The following ZFHX3 variants were observed in gnomAD, a reference collection of about 807,000 sequenced individuals.
ZFHX3 encodes zinc finger homeobox protein 3.
Under a neutral mutation model 279.1 loss-of-function variants are expected in ZFHX3, and 42 were observed. That is an observed-to-expected ratio of 0.15 (90% confidence interval 0.12 to 0.19). The LOEUF (loss-of-function observed/expected upper bound fraction) is 0.19. ZFHX3 is among the 10% of genes least tolerant of loss of function. ZFHX3 has a pLI of 1.00. For missense variants in ZFHX3, 4,981 were observed against 4,754.0 expected (o/e 1.05, Z -1.40); for synonymous variants, 2,293 against 1,957.8 (o/e 1.17, Z -4.52).
At chr16:73,689,236 T>A (rs991900066) in intron 1 of ZFHX3, among the ~76,000 whole-genome samples, 7 of 152,242 alleles carry the variant, frequency 4.6e-5, no homozygotes, top group African/African-American at 1.7e-4. Context: ...TAAAGTTCTA[T>A]GTCACTATCA....
intron 8 of ZFHX3, among the ~76,000 whole-genome samples, chr16:73,076,712 G>T (rs1173655744): frequency 2.0e-5 from 3 of 147,788 alleles, no homozygotes; most frequent in Non-Finnish European, 4.4e-5. Flanking sequence ...TGCTTTCAGA[G>T]TTATTGTTTC....
chr16:73,135,860 T>C (rs1385532644), intron 6 of ZFHX3, among the ~76,000 whole-genome samples: 1 of 141,754 alleles, frequency 7.1e-6, no homozygotes, highest in East Asian at 2.0e-4. Context: ...TTATTTATAT[T>C]CTTTTTTTTT....
At chr16:73,047,150 T>C (rs145714385) in intron 1 of ZFHX3, among the ~76,000 whole-genome samples, 233 of 152,362 alleles carry the variant, frequency 1.5e-3, no homozygotes, top group Non-Finnish European at 2.7e-3. Context: ...TTTCTGCTAC[T>C]GACCTAAACA....
chr16:73,382,544 T>C (rs114096590), intron 3 of ZFHX3, among the ~76,000 whole-genome samples: 248 of 152,162 alleles, frequency 1.6e-3, no homozygotes, highest in African/African-American at 5.4e-3. Flanking sequence ...CAGGCTGCTG[T>C]GTGGGGAATG....
chr16:73,660,858 A>G (rs1193568870), intron 2 of ZFHX3, among the ~76,000 whole-genome samples: 1 of 152,236 alleles, frequency 6.6e-6, no homozygotes, highest in Non-Finnish European at 1.5e-5. Flanking sequence ...AGTTAACTTC[A>G]TGCAAACCTT....
At position 73,516,161 on chromosome 16, in the gene ZFHX3, C is replaced by A. The variant is rs572574677; in HGVS notation, c.-1546-59903G>T. ...ATTTTGAAAAGCTACACAAGTCACA[C>A]GAATTGCTAACGCTAAGTATAATCA... On this transcript the variant is annotated intron_variant, in intron 2 of 17. Transcript: ENST00000641206. 5.2e-4 allele frequency among the ~76,000 whole-genome samples: 79 copies of A among 152,266 alleles called. 2 individuals carry two copies. Among genetic ancestry groups the A allele is most frequent in the African/African-American group, 1.9e-3 (78 of 41,556 alleles).
intron 3 of ZFHX3, among the ~76,000 whole-genome samples, chr16:73,351,880 G>GT (rs1202078710): frequency 5.3e-5 from 8 of 152,206 alleles, no homozygotes; most frequent in African/African-American, 1.9e-4. Context: ...TCTGTCAAAT[G>GT]TAGTATGACC....
At chr16:73,006,151 T>G (rs993971469) in intron 1 of ZFHX3, 4 of 152,212 alleles carry the variant, frequency 2.6e-5, no homozygotes, top group East Asian at 1.9e-4. Context: ...AAAAAGAAAT[T>G]AGCAAATTAG....
intron 2 of ZFHX3, among the ~76,000 whole-genome samples, chr16:73,525,875 G>A (rs926119767): frequency 3.5e-4 from 54 of 152,218 alleles, no homozygotes; most frequent in Middle Eastern, 3.4e-3. Context: ...CAGCAGAGGC[G>A]AAAGCAGTGT....
chr16:72,916,022 T>G (rs1046767859), intron 3 of ZFHX3, among the ~76,000 whole-genome samples: 2 of 152,222 alleles, frequency 1.3e-5, no homozygotes, highest in Non-Finnish European at 2.9e-5. Flanking sequence ...TTTTCTGATT[T>G]TTAATGGCAT....
At chr16:72,800,003 G>A (rs373322487) in intron 8 of ZFHX3, 24 bp downstream of exon 8, 1 of 1,601,020 alleles carries the variant, frequency 6.2e-7, no homozygotes, top group African/African-American at 1.3e-5. Flanking sequence ...TCAATTTCTT[G>A]GGGTCAAGAA....
At chr16:73,790,261 G>C (rs1395036161) in intron 1 of ZFHX3, among the ~76,000 whole-genome samples, 2 of 150,992 alleles carry the variant, frequency 1.3e-5, no homozygotes, top group South Asian at 2.1e-4. Context: ...TAAAAAGGGA[G>C]TGTCTTTTTT....
chr16:73,866,603 C>A (rs1962028280), intron 1 of ZFHX3, among the ~76,000 whole-genome samples: 1 of 152,126 alleles, frequency 6.6e-6, no homozygotes, highest in Admixed American at 6.5e-5. Context: ...TTACTCCAGG[C>A]CCCAAAAAAA....
At chr16:73,286,686 T>TGTGTGA (rs767900169) in intron 4 of ZFHX3, among the ~76,000 whole-genome samples, 1 of 150,162 alleles carries the variant, frequency 6.7e-6, no homozygotes, top group Non-Finnish European at 1.5e-5. Flanking sequence ...TGTGGGTTGG[T>TGTGTGA]GTGTGAGTGT....
chr16:73,691,411 A>G (rs1567553229), intron 1 of ZFHX3, among the ~76,000 whole-genome samples: 1 of 152,250 alleles, frequency 6.6e-6, no homozygotes, highest in Non-Finnish European at 1.5e-5. Flanking sequence ...ATGAAAGAGT[A>G]ATATTATCTC....
Position 72,788,342 on chromosome 16 carries a change from C to T in ZFHX3, c.9934G>A (p.Val3312Ile), listed in dbSNP as rs2143300428. 1 of 1,614,188 alleles carries T rather than the reference C, an allele frequency of 6.2e-7. No individual in the cohort carries two copies. Among genetic ancestry groups the T allele is most frequent in the Non-Finnish European group, 8.5e-7 (1 of 1,180,036 alleles). Residue 3312 changes from valine (V) to isoleucine (I), a missense_variant, in exon 10 of 10, where the codon GTA (valine) becomes ATA (isoleucine). Val to Ile is a conservative substitution (Grantham distance 29). Coordinates refer to ENST00000268489, the MANE Select transcript of ZFHX3 (RefSeq NM_006885.4). Reference sequence around the variant, plus strand: ...GCATAATAAGGAGAAAAGCCTGGTACAAAGTAAGGAAGGAACTGGCTTGTG... The same window carrying T: ...GCATAATAAGGAGAAAAGCCTGGTATAAAGTAAGGAAGGAACTGGCTTGTG... Reference protein sequence around the residue: ...LLTSQFLPYFVPGFSPYYAPQ... With the variant: ...LLTSQFLPYFIPGFSPYYAPQ...
intron 4 of ZFHX3, among the ~76,000 whole-genome samples, chr16:73,298,857 G>C (rs2014988713): frequency 6.6e-6 from 1 of 152,196 alleles, no homozygotes; most frequent in Non-Finnish European, 1.5e-5. Context: ...CGTAAGGTAA[G>C]GTCTCTACTT....
chr16:73,331,265 A>C (rs34334173), intron 3 of ZFHX3, among the ~76,000 whole-genome samples: 1 of 151,850 alleles, frequency 6.6e-6, no homozygotes, highest in Non-Finnish European at 1.5e-5. Context: ...TAATCTAATC[A>C]CCTCCCATGA....
At chr16:73,683,192 A>T (rs12927845) in intron 1 of ZFHX3, among the ~76,000 whole-genome samples, 9,226 of 152,276 alleles carry the variant, frequency 0.061, 338 homozygotes, top group Non-Finnish European at 0.085. Context: ...AGCGATGTAT[A>T]TAATGGGTGA....
Sources: gnomAD v4.1 joint callset for allele counts (sites outside exome capture counted in the v4.1 genomes callset) on GRCh38, gnomAD v4.1.1 for gene constraint, MANE v1.5 for transcripts, NCBI Gene and HGNC (gene_info 2026-07-23, HGNC 2026-07-21) for gene names.